The following NCEH1 variants were observed in gnomAD, a reference collection of about 807,000 sequenced individuals.
The protein encoded by NCEH1 is neutral cholesterol ester hydrolase 1.
A neutral mutation model predicts 25.4 loss-of-function variants in NCEH1; 9 were observed. The observed-to-expected ratio is 0.35, with a 90% CI of 0.21 to 0.62. The LOEUF (loss-of-function observed/expected upper bound fraction) is 0.62. Ranked by LOEUF, NCEH1 falls within the 20% of genes least tolerant of loss-of-function variation. The pLI is 0.72. For missense variants in NCEH1, 412 were observed against 501.1 expected, an observed-to-expected ratio of 0.82 and a Z score of 1.70; for synonymous variants, 200 against 199.8, an observed-to-expected ratio of 1.00 and a Z score of -0.01.
chr3:172,706,493 ATT>A, intron 1 of NCEH1, among the ~76,000 whole-genome samples: 1 of 135,338 alleles, frequency 7.4e-6, no homozygotes, highest in South Asian at 2.4e-4. Context: ...CTGTTCTTAC[ATT>A]TTTCTTTTTT....
intron 1 of NCEH1, among the ~76,000 whole-genome samples, chr3:172,675,295 C>T (rs958603290): frequency 7.4e-6 from 1 of 135,156 alleles, no homozygotes; most frequent in Non-Finnish European, 1.5e-5. Flanking sequence ...AGAGCAAGAT[C>T]CTGTCTCAAA....
At chr3:172,689,251 CTTTTTTTTT>C (rs34888694) in intron 1 of NCEH1, among the ~76,000 whole-genome samples, 2 of 80,936 alleles carry the variant, frequency 2.5e-5, no homozygotes, top group East Asian at 7.2e-4. Flanking sequence ...CTTGGAGTAA[CTTTTTTTTT>C]TTTTTTTTTT....
Position 172,632,935 on chromosome 3 carries a change from G to C in NCEH1, c.*540C>G, listed in dbSNP as rs1716427299. On this transcript the variant is annotated 3_prime_UTR_variant, in exon 5 of 5. Transcript: ENST00000475381. ...TCCTTTGAGAAACTTGTTCTTTCCA[G>C]AAAACCTTTGCCAAAATTCCCATAG... 1 of 152,756 alleles carries C rather than the reference G, an allele frequency of 6.5e-6. No homozygotes were observed. The highest frequency in any genetic ancestry group is 1.5e-5 in the Non-Finnish European group (1 of 68,158). 9.5% of individuals were successfully genotyped at this position (152,756 alleles called of 1,614,324 possible).
At chr3:172,682,689 C>T (rs1159539240) in intron 1 of NCEH1, among the ~76,000 whole-genome samples, 2 of 152,174 alleles carry the variant, frequency 1.3e-5, no homozygotes, top group African/African-American at 2.4e-5. Flanking sequence ...TTTATAATCC[C>T]ATGTTTAGGT....
At chr3:172,670,116 T>C (rs887770835) in intron 1 of NCEH1, among the ~76,000 whole-genome samples, 1 of 152,238 alleles carries the variant, frequency 6.6e-6, no homozygotes, top group South Asian at 2.1e-4. Context: ...CTTCATCCTA[T>C]AACGGCAGAC....
chr3:172,647,193 A>T (rs1717158920), intron 2 of NCEH1, among the ~76,000 whole-genome samples: 2 of 152,222 alleles, frequency 1.3e-5, no homozygotes, highest in Non-Finnish European at 2.9e-5. Flanking sequence ...AAAGCTCTGG[A>T]CTGAAGATGA....
chr3:172,708,516 T>G (rs1166533453), intron 1 of NCEH1, among the ~76,000 whole-genome samples: 1 of 152,124 alleles, frequency 6.6e-6, no homozygotes, highest in African/African-American at 2.4e-5. Flanking sequence ...CCACCAGCCC[T>G]GGCTAATTTT....
At chr3:172,651,020 G>A (rs552685457) in intron 1 of NCEH1, among the ~76,000 whole-genome samples, 1 of 152,216 alleles carries the variant, frequency 6.6e-6, no homozygotes, top group East Asian at 1.9e-4. Context: ...GATATGAACA[G>A]TAACCTGTTG....
intron 2 of NCEH1, among the ~76,000 whole-genome samples, chr3:172,647,584 T>C (rs569088551): frequency 5.9e-5 from 9 of 152,190 alleles, no homozygotes; most frequent in Non-Finnish European, 1.0e-4. Flanking sequence ...AATAAGTTAG[T>C]CTGTGATTTA....
At chr3:172,661,156 T>G (rs74748862) in intron 1 of NCEH1, among the ~76,000 whole-genome samples, 1 of 152,206 alleles carries the variant, frequency 6.6e-6, no homozygotes, top group African/African-American at 2.4e-5. Flanking sequence ...TTGTATAACA[T>G]GTAAGGAAGG....
chr3:172,644,642 T>C (rs1560181814), intron 3 of NCEH1, among the ~76,000 whole-genome samples: 2 of 152,208 alleles, frequency 1.3e-5, no homozygotes, highest in South Asian at 2.1e-4. Flanking sequence ...TCCTCACTTA[T>C]GAAAAAGATA....
chr3:172,675,067 T>C (rs1283654884), intron 1 of NCEH1, among the ~76,000 whole-genome samples: 1 of 152,174 alleles, frequency 6.6e-6, no homozygotes, highest in Non-Finnish European at 1.5e-5. Context: ...CCCGGCACCT[T>C]GGGAGGCCGA....
At chr3:172,661,882 T>G (rs1198746337) in intron 1 of NCEH1, among the ~76,000 whole-genome samples, 2 of 152,202 alleles carry the variant, frequency 1.3e-5, no homozygotes, top group African/African-American at 4.8e-5. Flanking sequence ...GCTGAGATGA[T>G]GGGGTTTTCT....
At chr3:172,704,959 T>C (rs1713894545) in intron 1 of NCEH1, among the ~76,000 whole-genome samples, 1 of 152,220 alleles carries the variant, frequency 6.6e-6, no homozygotes, top group Non-Finnish European at 1.5e-5. Flanking sequence ...TCACACAGGA[T>C]TTCAATCCAT....
intron 1 of NCEH1, chr3:172,680,892 G>C (rs1225254890): frequency 6.6e-6 from 1 of 151,832 alleles, no homozygotes; most frequent in Non-Finnish European, 1.5e-5. Flanking sequence ...ACTTTATTGA[G>C]AGCCTGCCTA....
intron 3 of NCEH1, among the ~76,000 whole-genome samples, chr3:172,642,940 T>C (rs1473759552): frequency 6.6e-6 from 1 of 152,108 alleles, no homozygotes; most frequent in Admixed American, 6.6e-5. Context: ...TTTGTTTGTT[T>C]GTTTGTTTGT....
intron 1 of NCEH1, among the ~76,000 whole-genome samples, chr3:172,694,161 G>A (rs368074441): frequency 1.1e-4 from 16 of 152,092 alleles, no homozygotes; most frequent in Non-Finnish European, 1.8e-4. Context: ...CCCCAAGCAT[G>A]AGCCACAATG....
At chr3:172,681,170 G>A (rs1712354898) in intron 1 of NCEH1, 1 of 151,950 alleles carries the variant, frequency 6.6e-6, no homozygotes, top group Non-Finnish European at 1.5e-5. Context: ...AGTGGAAGTG[G>A]AGTGACACGG....
chr3:172,664,780 G>A (rs533330215), intron 1 of NCEH1, among the ~76,000 whole-genome samples: 3 of 152,216 alleles, frequency 2.0e-5, no homozygotes, highest in Admixed American at 2.0e-4. Context: ...GTGTCACGTA[G>A]TTCTCGTGCC....
Sources: allele counts gnomAD v4.1 joint callset (sites outside exome capture counted in the v4.1 genomes callset), GRCh38; gene constraint gnomAD v4.1.1; transcripts MANE v1.5; gene names NCBI Gene and HGNC (gene_info 2026-07-23, HGNC 2026-07-21).